The following GRIA3 variants were observed in gnomAD, a reference collection of about 807,000 sequenced individuals.
GRIA3 encodes the protein glutamate receptor 3.
In GRIA3, 3 loss-of-function variants were observed where a neutral mutation model predicts 63.0. The observed-to-expected ratio is 0.05, with a 90% CI of 0.02 to 0.12. GRIA3 has a LOEUF of 0.12. Ranked by LOEUF, GRIA3 falls within the 10% of genes least tolerant of loss-of-function variation. The pLI, the probability that GRIA3 is intolerant of heterozygous loss-of-function variation, is 1.00. For synonymous variants in GRIA3, 274 were observed against 257.9 expected, an observed-to-expected ratio of 1.06 and a Z score of -0.60; for missense variants, 347 against 700.9, an observed-to-expected ratio of 0.50 and a Z score of 5.70.
chrX:123,304,650 AC>A (rs1161416440), intron 3 of GRIA3, among the ~76,000 whole-genome samples: 6 of 111,638 alleles, frequency 5.4e-5, no homozygotes, highest in Non-Finnish European at 9.4e-5. Flanking sequence ...CCCTTTGATG[AC>A]CACCTTCAAG....
intron 11 of GRIA3, among the ~76,000 whole-genome samples, chrX:123,426,010 GA>G (rs2045587728): frequency 3.2e-5 from 1 of 31,593 alleles, no homozygotes; most frequent in Non-Finnish European, 9.1e-5. Context: ...TGCTGGTACA[GA>G]CAGAGAAGAG....
chrX:123,394,596 C>T (rs1369953569), intron 5 of GRIA3, among the ~76,000 whole-genome samples: 1 of 111,723 alleles, frequency 9.0e-6, no homozygotes, highest in Non-Finnish European at 1.9e-5. Context: ...TAACACCCAT[C>T]GGGTCAAACT....
In GRIA3 at chrX:123,289,777, C is replaced by CA. The variant is rs754722725; in HGVS notation, c.508+36237dup. The stretch of plus-strand genomic sequence containing the variant: ...TACACATGACCACCCTCCACCCCCC[C>CA]AACCAAGACATGTAAATCCATTTGG... On this transcript the variant is annotated intron_variant, in intron 3 of 15. Coordinates refer to ENST00000620443, the MANE Select transcript of GRIA3 (RefSeq NM_007325.5). Among the ~76,000 whole-genome samples the CA allele has an allele frequency of 3.8e-3, 424 of 110,657 alleles. 4 individuals are homozygous for CA. Among genetic ancestry groups the CA allele is most frequent in the African/African-American group, 0.012 (368 of 30,457 alleles).
chrX:123,206,543 T>C (rs1008212638), intron 2 of GRIA3, among the ~76,000 whole-genome samples: 9 of 112,101 alleles, frequency 8.0e-5, no homozygotes, highest in Admixed American at 6.6e-4. Context: ...TGATTTAAAT[T>C]AATACAGAGT....
intron 2 of GRIA3, among the ~76,000 whole-genome samples, chrX:123,208,260 T>G: frequency 8.9e-6 from 1 of 112,190 alleles, no homozygotes; most frequent in Non-Finnish European, 1.9e-5. Context: ...GACAGCAGGA[T>G]AGGTTACACA....
chrX:123,386,221 A>T, intron 5 of GRIA3, among the ~76,000 whole-genome samples: 1 of 111,667 alleles, frequency 9.0e-6, no homozygotes, highest in South Asian at 3.7e-4. Flanking sequence ...TCATACACCT[A>T]TTGGCAATCT....
At chrX:123,335,655 C>A (rs1603098639) in intron 4 of GRIA3, among the ~76,000 whole-genome samples, 2 of 111,066 alleles carry the variant, frequency 1.8e-5, no homozygotes, top group East Asian at 5.7e-4. Flanking sequence ...AAAACTGATG[C>A]AAATATCCTC....
At chrX:123,242,951 A>G (rs1181625682) in intron 2 of GRIA3, among the ~76,000 whole-genome samples, 2 of 112,681 alleles carry the variant, frequency 1.8e-5, no homozygotes, top group African/African-American at 6.4e-5. Flanking sequence ...GAAAGTCATA[A>G]GCACTTTACA....
chrX:123,202,862 A>G, intron 2 of GRIA3: 4 of 947,563 alleles, frequency 4.2e-6, no homozygotes, highest in Non-Finnish European at 4.4e-6. Context: ...TTATGCCGCA[A>G]AGAAGATCTC....
intron 4 of GRIA3, among the ~76,000 whole-genome samples, chrX:123,349,728 G>T (rs1248588316): frequency 8.9e-6 from 1 of 112,423 alleles, no homozygotes; most frequent in Non-Finnish European, 1.9e-5. Context: ...TCAGATGACT[G>T]CAATATGAAG....
intron 3 of GRIA3, among the ~76,000 whole-genome samples, chrX:123,279,132 T>C (rs2044571237): frequency 9.0e-6 from 1 of 111,478 alleles, no homozygotes; most frequent in African/African-American, 3.3e-5. Flanking sequence ...ACACACTGCA[T>C]GATCTCAGTC....
intron 12 of GRIA3, among the ~76,000 whole-genome samples, chrX:123,462,357 C>T (rs1212697973): frequency 8.9e-6 from 1 of 111,845 alleles, no homozygotes; most frequent in Non-Finnish European, 1.9e-5. Context: ...CAAGATCTGG[C>T]CTCTGATTAT....
At chrX:123,191,891 G>A (rs141684288) in intron 2 of GRIA3, among the ~76,000 whole-genome samples, 1,297 of 110,962 alleles carry the variant, frequency 0.012, 10 homozygotes, top group Middle Eastern at 0.023. Context: ...TATATGTAAC[G>A]GGGAGTATCT....
intron 11 of GRIA3, among the ~76,000 whole-genome samples, chrX:123,420,787 T>C (rs1239536763): frequency 9.0e-6 from 1 of 111,710 alleles, no homozygotes; most frequent in Non-Finnish European, 1.9e-5. Flanking sequence ...AACAGGTTTG[T>C]TAATGTCTTA....
At chrX:123,392,041 C>T (rs191859987) in intron 5 of GRIA3, among the ~76,000 whole-genome samples, 143 of 111,837 alleles carry the variant, frequency 1.3e-3, no homozygotes, top group African/African-American at 4.4e-3. Flanking sequence ...TAGGCAGGGG[C>T]GAGGTGATCC....
At chrX:123,360,198 G>T (rs1431594697) in intron 5 of GRIA3, among the ~76,000 whole-genome samples, 1 of 110,292 alleles carries the variant, frequency 9.1e-6, no homozygotes, top group African/African-American at 3.3e-5. Context: ...TTTCTATCTA[G>T]ATTGGTAACA....
intron 3 of GRIA3, among the ~76,000 whole-genome samples, chrX:123,262,621 T>C (rs745791501): frequency 8.9e-6 from 1 of 112,350 alleles, no homozygotes; most frequent in African/African-American, 3.2e-5. Context: ...CCTTTGATTC[T>C]GAAGAGCTTA....
In GRIA3 at chrX:123,406,702, G is replaced by A. The variant is rs144504303; in HGVS notation, c.1500+1788G>A. Reference sequence around the variant, plus strand: ...TCATCTCCTGTCTTGGGTCAAGATCGGTCCTGGGAACTGAGGCAGGGCTAA... The same window carrying A: ...TCATCTCCTGTCTTGGGTCAAGATCAGTCCTGGGAACTGAGGCAGGGCTAA... On this transcript the variant is annotated intron_variant, in intron 10 of 15. Transcript: ENST00000620443. Among the ~76,000 whole-genome samples the A allele has an allele frequency of 1.5e-3, 162 of 111,271 alleles. 2 individuals carry two copies. In the East Asian group the frequency reaches 0.042, roughly 29 times the overall value.
At chrX:123,394,503 A>G (rs1373836715) in intron 5 of GRIA3, among the ~76,000 whole-genome samples, 3 of 112,486 alleles carry the variant, frequency 2.7e-5, no homozygotes, top group African/African-American at 9.7e-5. Flanking sequence ...ATTTCTGTAA[A>G]TCACAAATTT....
Sources: gnomAD v4.1 joint callset for allele counts (sites outside exome capture counted in the v4.1 genomes callset) on GRCh38, gnomAD v4.1.1 for gene constraint, MANE v1.5 for transcripts, NCBI Gene and HGNC (gene_info 2026-07-23, HGNC 2026-07-21) for gene names.